CDH4: variants seen among roughly 807,000 people sequenced by gnomAD.
CDH4 encodes cadherin 4, also known as cadherin-4.
In CDH4, 33 loss-of-function variants were observed where a neutral mutation model predicts 86.0. The observed-to-expected ratio is 0.38, with a 90% CI of 0.29 to 0.51. CDH4 has a LOEUF of 0.51. Among genes scored for constraint, CDH4 ranks in the 20% least tolerant of loss-of-function variants. The pLI is 0.86. For missense variants in CDH4, 1,114 were observed against 1,307.4 expected (o/e 0.85, Z 2.28); for synonymous variants, 555 against 549.4 (o/e 1.01, Z -0.14).
chr20:61,542,589 C>T (rs2086048387), intron 2 of CDH4, among the ~76,000 whole-genome samples: 1 of 152,082 alleles, frequency 6.6e-6, no homozygotes, highest in Admixed American at 6.5e-5. Context: ...TCGTATTTTC[C>T]ACTATATTGG....
rs146175205 is a variant in CDH4 at position 61,772,009 on chromosome 20, C to T, written c.397-994C>T. On this transcript the variant is annotated intron_variant, in intron 3 of 15. Transcript: ENST00000614565. ...GGCAGAGGGCTGTGCTGAGTGACCG[C>T]GGGGACCCAGCAGCAGGAGCTGCAT... 7.5e-3 allele frequency among the ~76,000 whole-genome samples: 1,139 copies of T among 152,288 alleles called. 14 individuals are homozygous for T. Among genetic ancestry groups the T allele is most frequent in the African/African-American group, 0.024 (1,006 of 41,550 alleles).
intron 2 of CDH4, among the ~76,000 whole-genome samples, chr20:61,348,949 C>T (rs994361011): frequency 1.3e-5 from 2 of 152,188 alleles, no homozygotes; most frequent in African/African-American, 4.8e-5. Context: ...CATAGAGACC[C>T]GCAGCCCCTC....
intron 2 of CDH4, among the ~76,000 whole-genome samples, chr20:61,372,278 G>A (rs2084845161): frequency 6.6e-6 from 1 of 152,188 alleles, no homozygotes; most frequent in Admixed American, 6.5e-5. Flanking sequence ...CCATGGGTCT[G>A]TCCCATGCAG....
At chr20:61,654,200 A>G (rs886346128) in intron 2 of CDH4, among the ~76,000 whole-genome samples, 9 of 152,204 alleles carry the variant, frequency 5.9e-5, no homozygotes, top group Non-Finnish European at 1.2e-4. Flanking sequence ...AGGCTGGCAG[A>G]TCACTCGCGG....
At chr20:61,287,744 C>T (rs1034981463) in intron 2 of CDH4, among the ~76,000 whole-genome samples, 10 of 152,142 alleles carry the variant, frequency 6.6e-5, no homozygotes, top group Admixed American at 6.5e-4. Context: ...GTGTCTGCAT[C>T]CCTGCCTGCC....
chr20:61,602,569 G>T (rs2145746719), intron 2 of CDH4, among the ~76,000 whole-genome samples: 1 of 152,166 alleles, frequency 6.6e-6, no homozygotes, highest in Non-Finnish European at 1.5e-5. Flanking sequence ...ATTCTTTGGG[G>T]ATGTTTTGGT....
Position 61,937,820 on chromosome 20 carries a change from T to TC in CDH4, c.*878dup, listed in dbSNP as rs56321135. 78,987 of 151,970 alleles carry TC rather than the reference T, an allele frequency of 0.52. 20,779 individuals carry two copies. The highest frequency in any genetic ancestry group is 0.58 in the African/African-American group (24,036 of 41,322). The allele number at this position is 151,970 out of a possible 1,614,324, so 9.4% of individuals were successfully genotyped here. Reference sequence around the variant, plus strand: ...AGTGAGTTGTCCAAACCAGCCAGCATCTGGCTCCAGCCCTCCAACCCTGGC... The same window carrying TC: ...AGTGAGTTGTCCAAACCAGCCAGCATCCTGGCTCCAGCCCTCCAACCCTGGC... On this transcript the variant is annotated 3_prime_UTR_variant, in exon 16 of 16. Transcript: ENST00000614565.
In CDH4 at chr20:61,383,944, C is replaced by T. The variant is rs151286087; in HGVS notation, c.169+129007C>T. On this transcript the variant is annotated intron_variant, in intron 2 of 15. Coordinates refer to ENST00000614565, the MANE Select transcript of CDH4 (RefSeq NM_001794.5). ...ATCACGAGGTCCCACAATAGGCCAT[C>T]TGCAGGCTGAGAAGCAAGGAGAGCC... Among the ~76,000 whole-genome samples the T allele has an allele frequency of 7.5e-3, 1,139 of 151,554 alleles. 16 individuals carry two copies. The highest frequency in any genetic ancestry group is 0.026 in the African/African-American group (1,067 of 41,098).
rs144709699 is a variant in CDH4, at chr20:61,577,077, G to T, written c.170-166486G>T. Among the ~76,000 whole-genome samples the T allele has an allele frequency of 3.4e-3, 519 of 152,284 alleles. 6 individuals carry two copies. The highest frequency in any genetic ancestry group is 0.012 in the African/African-American group (490 of 41,556). On this transcript the variant is annotated intron_variant, in intron 2 of 15. Transcript: ENST00000614565. ...GTGTTAAAGGATGCATGGATGTTTTGCATGTTGAAGGATAAGTAGATGTTT... is the reference window on the plus strand; with the variant it reads ...GTGTTAAAGGATGCATGGATGTTTTTCATGTTGAAGGATAAGTAGATGTTT...
chr20:61,310,387 C>A (rs959385745), intron 2 of CDH4, among the ~76,000 whole-genome samples: 1 of 152,146 alleles, frequency 6.6e-6, no homozygotes, highest in Non-Finnish European at 1.5e-5. Flanking sequence ...ATTTTATGGA[C>A]CTGGGTTGGG....
At chr20:61,652,052 G>A (rs140529011) in intron 2 of CDH4, among the ~76,000 whole-genome samples, 23 of 152,306 alleles carry the variant, frequency 1.5e-4, no homozygotes, top group African/African-American at 4.3e-4. Flanking sequence ...AGATGGCCTC[G>A]GCCAGGACGG....
At chr20:61,775,599 A>G (rs967555064) in intron 4 of CDH4, among the ~76,000 whole-genome samples, 1 of 152,156 alleles carries the variant, frequency 6.6e-6, no homozygotes, top group African/African-American at 2.4e-5. Flanking sequence ...GGGTTAGCCC[A>G]TGGGCCATGA....
intron 2 of CDH4, among the ~76,000 whole-genome samples, chr20:61,468,591 A>G (rs938242471): frequency 1.3e-5 from 2 of 152,140 alleles, no homozygotes. Flanking sequence ...ACACAATTAA[A>G]TTATTGTTGA....
intron 2 of CDH4, among the ~76,000 whole-genome samples, chr20:61,314,949 G>A (rs561798334): frequency 3.3e-5 from 5 of 152,280 alleles, no homozygotes; most frequent in Admixed American, 1.3e-4. Context: ...GTCTGTTCAG[G>A]TCCTCTGCTA....
At chr20:61,425,630 C>T (rs143539303) in intron 2 of CDH4, among the ~76,000 whole-genome samples, 6 of 152,386 alleles carry the variant, frequency 3.9e-5, no homozygotes, top group Non-Finnish European at 7.3e-5. Context: ...AGGGCGGCAG[C>T]GCACAGAAAC....
At chr20:61,775,294 T>A (rs2088825264) in intron 4 of CDH4, among the ~76,000 whole-genome samples, 1 of 152,098 alleles carries the variant, frequency 6.6e-6, no homozygotes, top group Non-Finnish European at 1.5e-5. Context: ...GATTCCTCTT[T>A]GAAGGTCATC....
rs199660006 is a variant in CDH4, at chr20:61,469,937, GT to G, written c.169+215001del. ...GGCTTATGTGTCTGTTTTTATGCCA[GT>G]ACCATGCTAATTTGGTTACTATAGC... On this transcript the variant is annotated intron_variant, in intron 2 of 15. Coordinates refer to ENST00000614565, the MANE Select transcript of CDH4 (RefSeq NM_001794.5). Among the ~76,000 whole-genome samples the G allele has an allele frequency of 8.8e-3, 1,343 of 152,260 alleles. 8 individuals are homozygous for G. Among genetic ancestry groups the G allele is most frequent in the Non-Finnish European group, 0.013 (888 of 67,996 alleles).
At chr20:61,797,659 C>T (rs749908695) in intron 4 of CDH4, among the ~76,000 whole-genome samples, 46 of 152,162 alleles carry the variant, frequency 3.0e-4, no homozygotes, top group Non-Finnish European at 5.1e-4. Context: ...TGGTGGGGCA[C>T]ACCTGTAGTC....
rs1244702304 is a variant in CDH4 at position 61,388,260 on chromosome 20, G to A, written c.169+133323G>A. Among the ~76,000 whole-genome samples the A allele has an allele frequency of 3.3e-5, 5 of 152,108 alleles. No homozygotes were observed. In the East Asian group the frequency reaches 7.7e-4, roughly 24 times the overall value. On this transcript the variant is annotated intron_variant, in intron 2 of 15. Transcript: ENST00000614565. ...GCCCTGCCTTGAAGCTTGAGCTGTC[G>A]GAGTGGTGGTGGGTGGGGGTAGGGG... is the stretch of plus-strand genomic sequence containing the variant.
Sources: gnomAD v4.1 joint callset for allele counts (sites outside exome capture counted in the v4.1 genomes callset) on GRCh38, gnomAD v4.1.1 for gene constraint, MANE v1.5 for transcripts, NCBI Gene and HGNC (gene_info 2026-07-23, HGNC 2026-07-21) for gene names.